NALCN: variants seen among roughly 807,000 people sequenced by gnomAD.
NALCN encodes sodium leak channel, non-selective.
A neutral mutation model predicts 225.3 loss-of-function variants in NALCN; 111 were observed. The ratio of observed to expected loss-of-function variants is 0.49; its 90% CI spans 0.42 to 0.58. The LOEUF is 0.58. NALCN is among the 20% of genes least tolerant of loss of function. The pLI, the probability that NALCN is intolerant of heterozygous loss-of-function variation, is 0.00. For missense variants in NALCN, 1,378 were observed against 2,202.4 expected, an observed-to-expected ratio of 0.63 and a Z score of 7.49; for synonymous variants, 764 against 769.0, an observed-to-expected ratio of 0.99 and a Z score of 0.11.
chr13:101,391,883 C>T (rs1353911002), intron 3 of NALCN, among the ~76,000 whole-genome samples: 2 of 150,096 alleles, frequency 1.3e-5, no homozygotes, highest in Non-Finnish European at 2.9e-5. Context: ...ACTCGGGAGG[C>T]TAAGGCAGGA....
chr13:101,202,271 G>A (rs2040151947), intron 13 of NALCN, among the ~76,000 whole-genome samples: 1 of 152,180 alleles, frequency 6.6e-6, no homozygotes, highest in Non-Finnish European at 1.5e-5. Context: ...GGTTGGCAAA[G>A]TCATAACTGA....
rs1008718826 is a variant in NALCN, at chr13:101,194,832, C to A, written c.1627-2778G>T. Among the ~76,000 whole-genome samples, 3 of 152,000 alleles carry A rather than the reference C, an allele frequency of 2.0e-5. No individual in the cohort carries two copies. In the East Asian group the frequency reaches 5.8e-4, roughly 29 times the overall value. ...CAGCCTGGCCAACATGGTGAAACCC[C>A]GTCTCTACTAAAAATACAAAAATTA... On this transcript the variant is annotated intron_variant, in intron 13 of 43. Coordinates refer to ENST00000251127, the MANE Select transcript of NALCN (RefSeq NM_052867.4).
intron 34 of NALCN, among the ~76,000 whole-genome samples, chr13:101,078,324 G>A (rs899059921): frequency 6.6e-6 from 1 of 152,188 alleles, no homozygotes; most frequent in Admixed American, 6.5e-5. Flanking sequence ...TAGATCCACT[G>A]ACAGCTTGCA....
chr13:101,066,492 G>T (rs1454103023), intron 39 of NALCN, among the ~76,000 whole-genome samples: 1 of 149,230 alleles, frequency 6.7e-6, no homozygotes, highest in African/African-American at 2.6e-5. Context: ...CCCCCTGGCT[G>T]TATCTTTGAA....
intron 42 of NALCN, chr13:101,058,339 C>A (rs2031518226): frequency 3.2e-6 from 1 of 307,752 alleles, no homozygotes; most frequent in East Asian, 6.9e-5. Context: ...GTCATTGTTT[C>A]CCTTCATATC....
Position 101,415,248 on chromosome 13 carries a change from G to T in NALCN, c.-40+1065C>A, listed in dbSNP as rs145794584. ...ATACATACATATATATTTCAAAATC[G>T]CCACCTGTTAATTTTTGATCCCCTA... On this transcript the variant is annotated intron_variant, in intron 1 of 43. Transcript: ENST00000251127. Among the ~76,000 whole-genome samples the T allele has an allele frequency of 3.0e-3, 204 of 68,364 alleles. 4 individuals carry two copies. Among genetic ancestry groups the T allele is most frequent in the Non-Finnish European group, 6.3e-3 (144 of 22,972 alleles). The allele number at this position is 68,364 out of a possible 152,430, so 44.8% of individuals were successfully genotyped here.
intron 37 of NALCN, among the ~76,000 whole-genome samples, chr13:101,071,135 A>G (rs934639264): frequency 6.6e-6 from 1 of 152,218 alleles, no homozygotes; most frequent in East Asian, 1.9e-4. Context: ...GATTAAGGGA[A>G]CTACAATTCA....
intron 18 of NALCN, among the ~76,000 whole-genome samples, chr13:101,114,750 G>C (rs943462384): frequency 1.3e-5 from 2 of 152,144 alleles, no homozygotes; most frequent in Admixed American, 1.3e-4. Context: ...AAGTTTTGGA[G>C]TAATTTGTCC....
At chr13:101,212,859 T>C (rs998553767) in intron 13 of NALCN, among the ~76,000 whole-genome samples, 4 of 152,244 alleles carry the variant, frequency 2.6e-5, no homozygotes, top group Middle Eastern at 3.4e-3. Context: ...ACCATGAAAA[T>C]GGCCATACTG....
intron 30 of NALCN, among the ~76,000 whole-genome samples, chr13:101,085,329 G>T (rs2139526475): frequency 6.6e-6 from 1 of 151,906 alleles, no homozygotes; most frequent in South Asian, 2.1e-4. Flanking sequence ...GATTTCACTT[G>T]GTGGCTAATG....
At chr13:101,315,265 C>A (rs1199876753) in intron 7 of NALCN, among the ~76,000 whole-genome samples, 1 of 152,122 alleles carries the variant, frequency 6.6e-6, no homozygotes, top group Non-Finnish European at 1.5e-5. Context: ...ATAATCTGAA[C>A]ACCCTTAAAG....
At chr13:101,127,367 T>C (rs963259600) in intron 17 of NALCN, among the ~76,000 whole-genome samples, 1 of 152,134 alleles carries the variant, frequency 6.6e-6, no homozygotes, top group African/African-American at 2.4e-5. Flanking sequence ...TTTGTTTTGT[T>C]TTGTTTTTTG....
chr13:101,186,971 G>A lies in NALCN; in HGVS notation c.1764+4946C>T, dbSNP rs541638151. ...AAATACAGACCATCAGTGAAAAACCGATAGTTTTGACCTAATTTGATCATT... is the reference window on the plus strand; with the variant it reads ...AAATACAGACCATCAGTGAAAAACCAATAGTTTTGACCTAATTTGATCATT... On this transcript the variant is annotated intron_variant, in intron 14 of 43. Transcript: ENST00000251127. Among the ~76,000 whole-genome samples, 9 of 152,152 alleles carry A rather than the reference G, an allele frequency of 5.9e-5. No individual in the cohort carries two copies. In the South Asian group the frequency reaches 1.0e-3, roughly 18 times the overall value.
At position 101,176,390 on chromosome 13, in the gene NALCN, A is replaced by T. The variant is rs779504425; in HGVS notation, c.1765-16T>A. 1.3e-6 allele frequency: 2 copies of T among 1,578,824 alleles called. No individual in the cohort carries two copies. The highest frequency in any genetic ancestry group is 4.6e-5 in the East Asian group (2 of 43,470). On this transcript the variant is annotated splice_polypyrimidine_tract_variant and intron_variant, in intron 14 of 43. Coordinates refer to ENST00000251127, the MANE Select transcript of NALCN (RefSeq NM_052867.4). ...TCAGGAGGATCTATAAAATGGTGAA[A>T]TAACAATGAAAAAACCCACATGCCA...
intron 15 of NALCN, among the ~76,000 whole-genome samples, chr13:101,159,697 G>C (rs2038068324): frequency 6.6e-6 from 1 of 152,132 alleles, no homozygotes; most frequent in South Asian, 2.1e-4. Flanking sequence ...TCAGGGTCTA[G>C]TGCAGGGGCC....
intron 1 of NALCN, among the ~76,000 whole-genome samples, chr13:101,401,682 A>G (rs1353180770): frequency 6.6e-6 from 1 of 152,188 alleles, no homozygotes; most frequent in East Asian, 1.9e-4. Context: ...ACCAACCAAA[A>G]TAGTGCAATT....
At chr13:101,271,096 T>G (rs1430384711) in intron 10 of NALCN, among the ~76,000 whole-genome samples, 1 of 152,198 alleles carries the variant, frequency 6.6e-6, no homozygotes, top group African/African-American at 2.4e-5. Context: ...TAATGTGGCA[T>G]GCAAATAATT....
chr13:101,120,076 C>CAG (rs1223687963), intron 18 of NALCN, among the ~76,000 whole-genome samples: 1 of 152,200 alleles, frequency 6.6e-6, no homozygotes, highest in African/African-American at 2.4e-5. Flanking sequence ...TTACATACCT[C>CAG]AGGCTCTAGG....
At chr13:101,152,188 G>A (rs1242538553) in intron 15 of NALCN, among the ~76,000 whole-genome samples, 1 of 152,152 alleles carries the variant, frequency 6.6e-6, no homozygotes, top group Non-Finnish European at 1.5e-5. Context: ...GGCCATAAAA[G>A]CTACATTTTT....
Sources: gnomAD v4.1 joint callset for allele counts (sites outside exome capture counted in the v4.1 genomes callset) on GRCh38, gnomAD v4.1.1 for gene constraint, MANE v1.5 for transcripts, NCBI Gene and HGNC (gene_info 2026-07-23, HGNC 2026-07-21) for gene names.